Variants in WNK2 observed in about 807,000 individuals in gnomAD.
The protein encoded by WNK2 is serine/threonine-protein kinase WNK2.
Under a neutral mutation model 192.1 loss-of-function variants are expected in WNK2, and 67 were observed. The ratio of observed to expected loss-of-function variants is 0.35; its 90% CI spans 0.29 to 0.43. The LOEUF (loss-of-function observed/expected upper bound fraction) is 0.43, where lower values mean the gene tolerates loss of function less well. WNK2 is among the 20% of genes least tolerant of loss of function. The pLI, the probability that WNK2 is intolerant of heterozygous loss-of-function variation, is 1.00. For missense variants in WNK2, 2,698 were observed against 3,089.7 expected (o/e 0.87, Z 3.01); for synonymous variants, 1,439 against 1,393.9 (o/e 1.03, Z -0.72).
At chr9:93,260,364 A>T (rs953634847) in intron 12 of WNK2, among the ~76,000 whole-genome samples, 2 of 152,012 alleles carry the variant, frequency 1.3e-5, no homozygotes, top group Non-Finnish European at 2.9e-5. Flanking sequence ...GGGCCTCCTT[A>T]TCTGGGTCCC....
rs768682680 is a variant in WNK2 at position 93,292,435 on chromosome 9, G to T, written c.5025+39G>T. 2.1e-5 allele frequency: 34 copies of T among 1,613,848 alleles called. No individual in the cohort carries two copies. In the African/African-American group the frequency reaches 4.4e-4, roughly 21 times the overall value. ...GACGACCCCCTGGCTGGTTGGCAGG[G>T]TTTGCTCTGTGCTGATGTTCACATG... is the stretch of plus-strand genomic sequence containing the variant. On this transcript the variant is annotated intron_variant, in intron 22 of 29. Coordinates refer to ENST00000427277, the MANE Select transcript of WNK2 (RefSeq NM_006648.4).
chr9:93,318,682 T>C (rs1407227151), intron 29 of WNK2: 2 of 1,491,030 alleles, frequency 1.3e-6, no homozygotes, highest in Non-Finnish European at 1.8e-6. Context: ...TCTCCATGAT[T>C]TCCATGGAGA....
chr9:93,287,461 A>G (rs1034831432), intron 19 of WNK2, among the ~76,000 whole-genome samples: 1 of 152,240 alleles, frequency 6.6e-6, no homozygotes, highest in African/African-American at 2.4e-5. Context: ...TGTGCAAACA[A>G]TAACAAGGAC....
At chr9:93,249,518 G>A (rs1048597081) in intron 8 of WNK2, among the ~76,000 whole-genome samples, 4 of 152,132 alleles carry the variant, frequency 2.6e-5, no homozygotes, top group African/African-American at 4.8e-5. Context: ...CTGTTGCCCA[G>A]GCTGGAGTGC....
chr9:93,259,476 T>A lies in WNK2; in HGVS notation c.2928T>A (p.Pro976=), dbSNP rs12352038. 33 of 756,286 alleles carry A rather than the reference T, an allele frequency of 4.4e-5. No individual in the cohort carries two copies. In the African/African-American group the frequency reaches 5.8e-4, roughly 13 times the overall value. The allele number at this position is 756,286 out of a possible 1,614,324, so 46.8% of individuals were successfully genotyped here. Residue 976 remains proline (P), a synonymous_variant, in exon 12 of 30, where the codon CCT becomes CCA. Transcript: ENST00000427277. The surrounding 1 kb of genome is among the most constrained non-coding windows in gnomAD (Gnocchi z 4.8). ...TGCCCCCGCAACCCACACGGCCCCC[T>A]CAACCTGTGCTGCCCCCGCAACCCA... ...PVLPPQPTRP[P]QPVLPPQPML... is the part of the protein sequence containing the mutation.
chr9:93,233,531 A>G (rs1235089356), intron 4 of WNK2, among the ~76,000 whole-genome samples: 1 of 152,002 alleles, frequency 6.6e-6, no homozygotes, highest in Non-Finnish European at 1.5e-5. Flanking sequence ...TCCTGTCTCT[A>G]CCAAAAATAC....
At chr9:93,317,261 C>T (rs1242525364) in intron 28 of WNK2, 9 of 577,490 alleles carry the variant, frequency 1.6e-5, no homozygotes, top group Non-Finnish European at 2.8e-5. Context: ...CCTCCAAGTC[C>T]CATTTTGGCT....
intron 12 of WNK2, 103 bp from the exon 13 acceptor site, chr9:93,261,711 G>T (rs1844285754): frequency 3.6e-6 from 5 of 1,375,540 alleles, no homozygotes; most frequent in Admixed American, 3.9e-5. Flanking sequence ...CTGGAGAGGG[G>T]TGTTCCCATC....
intron 2 of WNK2, among the ~76,000 whole-genome samples, chr9:93,218,229 C>G (rs1046620096): frequency 7.2e-5 from 11 of 152,184 alleles, no homozygotes; most frequent in African/African-American, 2.7e-4. Context: ...TTCCACAGGC[C>G]TTGCCCTGGG....
chr9:93,227,408 C>T (rs543107779), intron 2 of WNK2, among the ~76,000 whole-genome samples: 29 of 150,950 alleles, frequency 1.9e-4, no homozygotes, highest in African/African-American at 5.6e-4. Flanking sequence ...CCACCGCACC[C>T]GGCCGTATCC....
chr9:93,243,436 C>T (rs1287716572), intron 7 of WNK2, among the ~76,000 whole-genome samples: 1 of 152,228 alleles, frequency 6.6e-6, no homozygotes, highest in Non-Finnish European at 1.5e-5. Context: ...CAGTTCACAG[C>T]AGAGGCCCCT....
chr9:93,268,110 GA>G, intron 18 of WNK2, 45 bp downstream of exon 18: 2 of 1,572,754 alleles, frequency 1.3e-6, no homozygotes, highest in Non-Finnish European at 8.6e-7. Context: ...GGCGTTTGAT[GA>G]AAGTCCCCAC....
chr9:93,314,282 CAAATAA>C (rs1021132440), intron 28 of WNK2, among the ~76,000 whole-genome samples: 1 of 151,278 alleles, frequency 6.6e-6, no homozygotes, highest in Non-Finnish European at 1.5e-5. Context: ...AAGTCCGTCT[CAAATAA>C]AAATAAAAAA....
intron 2 of WNK2, among the ~76,000 whole-genome samples, chr9:93,212,426 G>A (rs929900965): frequency 6.6e-6 from 1 of 152,204 alleles, no homozygotes; most frequent in Non-Finnish European, 1.5e-5. Context: ...CTGGCTGACA[G>A]ATGACTACTC....
intron 23 of WNK2, among the ~76,000 whole-genome samples, chr9:93,295,762 C>T (rs1850185371): frequency 6.7e-6 from 1 of 148,550 alleles, no homozygotes; most frequent in South Asian, 2.2e-4. Context: ...CTCTATCCTC[C>T]CCTCTCCATC....
chr9:93,270,731 C>G (rs1041915431), intron 19 of WNK2, among the ~76,000 whole-genome samples: 9 of 152,182 alleles, frequency 5.9e-5, no homozygotes, highest in South Asian at 2.1e-4. Context: ...TGCTCACCCC[C>G]CTTCTCTTGC....
rs191712718 is a variant in WNK2 at position 93,310,825 on chromosome 9, G to A, written c.6516+2241G>A. On this transcript the variant is annotated intron_variant, in intron 28 of 29. Coordinates refer to ENST00000427277, the MANE Select transcript of WNK2 (RefSeq NM_006648.4). ...CAGAACTTTTTAAAATCAGCCAGGC[G>A]TGGTTGCACATGCCTGTGGTCCCAG... 7.9e-4 allele frequency among the ~76,000 whole-genome samples: 121 copies of A among 152,300 alleles called. 1 individual carries two copies. Among genetic ancestry groups the A allele is most frequent in the African/African-American group, 2.6e-3 (107 of 41,552 alleles).
rs577128223 is a variant in WNK2, at chr9:93,268,501, G to GA, written c.3914-122dup. ...GTTCTCTGCCCACACCCTTCCTGGA[G>GA]AAAATCCCATAGGTGTAAAGGAGTT... is the stretch of plus-strand genomic sequence containing the variant. On this transcript the variant is annotated intron_variant, in intron 18 of 29. Coordinates refer to ENST00000427277, the MANE Select transcript of WNK2 (RefSeq NM_006648.4). 3.8e-4 allele frequency: 545 copies of GA among 1,436,860 alleles called. 2 individuals carry two copies. The African/African-American group carries it at 6.8e-3, about 18-fold the overall frequency. 89.0% of individuals were successfully genotyped at this position (1,436,860 alleles called of 1,614,324 possible). A position where few individuals can be genotyped will look rare whatever the true frequency, so the allele number is the denominator to read the frequency against.
chr9:93,211,819 A>G (rs950707431), intron 2 of WNK2, among the ~76,000 whole-genome samples: 1 of 150,306 alleles, frequency 6.7e-6, no homozygotes, highest in Non-Finnish European at 1.5e-5. Flanking sequence ...CCACTTATTC[A>G]CTCACTCATC....
Sources: allele counts gnomAD v4.1 joint callset (sites outside exome capture counted in the v4.1 genomes callset), GRCh38; gene constraint gnomAD v4.1.1; non-coding constraint Gnocchi (gnomAD v3.1); transcripts MANE v1.5; gene names NCBI Gene and HGNC (gene_info 2026-07-23, HGNC 2026-07-21).